STXBP5: variants seen among roughly 807,000 people sequenced by gnomAD.
STXBP5 encodes the protein syntaxin-binding protein 5.
STXBP5 carries 50 observed loss-of-function variants against 152.4 expected under a neutral mutation model. The ratio of observed to expected loss-of-function variants is 0.33; its 90% CI spans 0.26 to 0.42. The LOEUF is 0.42. STXBP5 is among the 10% of genes least tolerant of loss of function. The probability of loss-of-function intolerance (pLI) is 1.00; values close to 1 mark genes in which losing one functional copy is unlikely to be tolerated. For missense variants in STXBP5, 1,167 were observed against 1,388.6 expected (o/e 0.84, Z 2.54); for synonymous variants, 492 against 494.7 (o/e 0.99, Z 0.07).
intron 5 of STXBP5, 59 bp downstream of exon 5, chr6:147,260,808 T>C: frequency 6.4e-7 from 1 of 1,552,940 alleles, no homozygotes; most frequent in Admixed American, 1.9e-5. Flanking sequence ...AATAATACCG[T>C]TACATCATAG....
In STXBP5 at chr6:147,384,792, G is replaced by GA. The variant is rs113627173; in HGVS notation, c.*43dup. On this transcript the variant is annotated 3_prime_UTR_variant, in exon 28 of 28. Coordinates refer to ENST00000321680, the MANE Select transcript of STXBP5 (RefSeq NM_001127715.4). ...CAATAAGTCCAACTTCAGCCAGAAG[G>GA]AAAAAAGTTTTCCATTTTTATTACA... 32 of 1,593,088 alleles carry GA rather than the reference G, an allele frequency of 2.0e-5. No homozygotes were observed. The highest frequency in any genetic ancestry group is 1.5e-4 in the African/African-American group (11 of 73,476).
intron 25 of STXBP5, among the ~76,000 whole-genome samples, chr6:147,368,931 A>G (rs910700375): frequency 6.6e-6 from 1 of 151,898 alleles, no homozygotes; most frequent in African/African-American, 2.4e-5. Flanking sequence ...AAATATTAAT[A>G]AAAAATTTTT....
intron 9 of STXBP5, among the ~76,000 whole-genome samples, chr6:147,298,237 A>G (rs1781629700): frequency 6.6e-6 from 1 of 152,008 alleles, no homozygotes; most frequent in South Asian, 2.1e-4. Flanking sequence ...AAAACTGTAA[A>G]AAATGACCAA....
intron 23 of STXBP5, 110 bp downstream of exon 23, chr6:147,359,433 A>G: frequency 1.5e-6 from 2 of 1,352,132 alleles, no homozygotes; most frequent in Middle Eastern, 2.4e-4. Flanking sequence ...TGTAAAGTAA[A>G]TGGGGACAGT....
intron 16 of STXBP5, among the ~76,000 whole-genome samples, chr6:147,323,262 C>T (rs1205488154): frequency 8.5e-5 from 13 of 152,164 alleles, no homozygotes; most frequent in African/African-American, 2.9e-4. Flanking sequence ...TTTCAATCTC[C>T]CTTTTTCTTG....
chr6:147,375,177 C>T (rs1785750292), intron 26 of STXBP5, among the ~76,000 whole-genome samples: 1 of 152,094 alleles, frequency 6.6e-6, no homozygotes, highest in Non-Finnish European at 1.5e-5. Context: ...TAGGAATCAA[C>T]AGCATGATTA....
At position 147,306,040 on chromosome 6, in the gene STXBP5, G is replaced by T. The variant is rs866843870; in HGVS notation, c.918-4044G>T. On this transcript the variant is annotated intron_variant, in intron 9 of 27. Coordinates refer to ENST00000321680, the MANE Select transcript of STXBP5 (RefSeq NM_001127715.4). ...ATTGAATAATATAGGTACTAATTATGCAGAACAATTATTAAAATGGCACAG... is the reference window on the plus strand; with the variant it reads ...ATTGAATAATATAGGTACTAATTATTCAGAACAATTATTAAAATGGCACAG... Among the ~76,000 whole-genome samples the T allele has an allele frequency of 5.3e-5, 8 of 152,102 alleles. 1 individual carries two copies. The highest frequency in any genetic ancestry group is 1.5e-5 in the Non-Finnish European group (1 of 68,018).
Position 147,387,314 on chromosome 6 carries a change from C to CT in STXBP5, c.*2560dup, listed in dbSNP as rs1786388732. 1 of 150,296 alleles carries CT rather than the reference C, an allele frequency of 6.7e-6. No individual in the cohort carries two copies. Among genetic ancestry groups the CT allele is most frequent in the South Asian group, 2.1e-4 (1 of 4,798 alleles). 9.3% of individuals were successfully genotyped at this position (150,296 alleles called of 1,614,324 possible). On this transcript the variant is annotated 3_prime_UTR_variant, in exon 28 of 28. Coordinates refer to ENST00000321680, the MANE Select transcript of STXBP5 (RefSeq NM_001127715.4). ...CAAGCCACGATTTCAGGAAAACTGA[C>CT]TAAAAAAAAAAGTCAAAATAGAAAA...
intron 4 of STXBP5, among the ~76,000 whole-genome samples, chr6:147,250,969 CAAAAAAAAA>C (rs887963991): frequency 1.9e-5 from 1 of 52,946 alleles, no homozygotes; most frequent in Non-Finnish European, 3.8e-5. Context: ...ACCTTGTCTC[CAAAAAAAAA>C]AAAAAAAAAA....
intron 4 of STXBP5, among the ~76,000 whole-genome samples, chr6:147,252,518 A>T (rs1383706784): frequency 6.6e-6 from 1 of 152,032 alleles, no homozygotes; most frequent in African/African-American, 2.4e-5. Context: ...TGACGACAAG[A>T]TTAGAGAAAA....
intron 2 of STXBP5, among the ~76,000 whole-genome samples, chr6:147,223,631 T>C (rs1182521653): frequency 6.6e-6 from 1 of 152,206 alleles, no homozygotes; most frequent in African/African-American, 2.4e-5. Flanking sequence ...GAATAATTTG[T>C]GGAGCTGAAA....
chr6:147,343,059 A>G lies in STXBP5; in HGVS notation c.2254+3675A>G, dbSNP rs73787121. Among the ~76,000 whole-genome samples, 1,328 of 152,220 alleles carry G rather than the reference A, an allele frequency of 8.7e-3. 20 individuals are homozygous for G. The highest frequency in any genetic ancestry group is 0.03 in the African/African-American group (1,229 of 41,552). On this transcript the variant is annotated intron_variant, in intron 21 of 27. Transcript: ENST00000321680. ...AAAATAATACCAAGGATAAAAAATA[A>G]TGACTCGAAATTATGGTTACTTAAA...
At chr6:147,285,939 G>A (rs1301763714) in intron 8 of STXBP5, among the ~76,000 whole-genome samples, 1 of 152,102 alleles carries the variant, frequency 6.6e-6, no homozygotes, top group African/African-American at 2.4e-5. Flanking sequence ...TCTAAATTCT[G>A]TCAGCCTGAC....
Position 147,384,731 on chromosome 6 carries a change from A to C in STXBP5, c.3432A>C (p.Lys1144Asn). The change falls in exon 28 of 28, where the codon AAA becomes AAC. Residue 1144 changes from lysine to asparagine, a missense_variant. Lys to Asn is a moderately conservative substitution (Grantham distance 94). Around this residue, in one of 3 missense-constraint regions of STXBP5, gnomAD observed 833 missense variants for 986.3 expected, o/e 0.84. Coordinates refer to ENST00000321680, the MANE Select transcript of STXBP5 (RefSeq NM_001127715.4). ...KHAHEIMLKY[K>N]DKKWYQF ...CCCTTTAGATTATGTTGAAATACAA[A>C]GATAAGAAGTGGTACCAGTTCTGAC... is the stretch of plus-strand genomic sequence containing the variant. The C allele has an allele frequency of 1.2e-6, 2 of 1,611,960 alleles. No individual in the cohort carries two copies. Among genetic ancestry groups the C allele is most frequent in the Non-Finnish European group, 1.7e-6 (2 of 1,178,928 alleles).
intron 25 of STXBP5, among the ~76,000 whole-genome samples, chr6:147,365,796 C>T (rs1012833362): frequency 3.3e-5 from 5 of 152,224 alleles, no homozygotes; most frequent in Admixed American, 3.3e-4. Flanking sequence ...TCCCTGAGTA[C>T]CCTTTTACAT....
chr6:147,269,674 C>A, intron 7 of STXBP5, among the ~76,000 whole-genome samples: 1 of 152,056 alleles, frequency 6.6e-6, no homozygotes, highest in East Asian at 1.9e-4. Flanking sequence ...AGGCAAAAAT[C>A]ACACAAGTGG....
chr6:147,305,853 A>G (rs1281524925), intron 9 of STXBP5, among the ~76,000 whole-genome samples: 1 of 152,184 alleles, frequency 6.6e-6, no homozygotes, highest in Non-Finnish European at 1.5e-5. Context: ...TACCAAACAT[A>G]TAGTTATTAA....
chr6:147,349,372 G>C (rs1357985030), intron 21 of STXBP5, among the ~76,000 whole-genome samples: 1 of 152,132 alleles, frequency 6.6e-6, no homozygotes, highest in Non-Finnish European at 1.5e-5. Flanking sequence ...TGTCCTTTTT[G>C]GGGTGAGTGG....
At chr6:147,304,321 C>G (rs2128364736) in intron 9 of STXBP5, among the ~76,000 whole-genome samples, 1 of 152,258 alleles carries the variant, frequency 6.6e-6, no homozygotes, top group Middle Eastern at 3.4e-3. Flanking sequence ...GGTGCAAGCC[C>G]CAAGCCTTGG....
Sources: gnomAD v4.1 joint callset for allele counts (sites outside exome capture counted in the v4.1 genomes callset) on GRCh38, gnomAD v4.1.1 for gene constraint, gnomAD v4.1.1 regional missense constraint, MANE v1.5 for transcripts, NCBI Gene and HGNC (gene_info 2026-07-23, HGNC 2026-07-21) for gene names.